Variants in DNM3 observed in about 807,000 individuals in gnomAD.
The protein encoded by DNM3 is dynamin-3.
A neutral mutation model predicts 101.6 loss-of-function variants in DNM3; 47 were observed. The ratio of observed to expected loss-of-function variants is 0.46; its 90% CI spans 0.37 to 0.59. The LOEUF is 0.59. Among genes scored for constraint, DNM3 ranks in the 20% least tolerant of loss-of-function variants. The pLI is 0.00. For missense variants in DNM3, 849 were observed against 1,085.7 expected (o/e 0.78, Z 3.06); for synonymous variants, 385 against 387.9 (o/e 0.99, Z 0.09).
At chr1:172,280,047 G>A (rs913035153) in intron 15 of DNM3, among the ~76,000 whole-genome samples, 3 of 151,976 alleles carry the variant, frequency 2.0e-5, no homozygotes, top group Non-Finnish European at 2.9e-5. Context: ...CTGAGTCTCC[G>A]CATTGTTCAC....
At chr1:171,871,183 C>T (rs1417196608) in intron 1 of DNM3, among the ~76,000 whole-genome samples, 1 of 152,102 alleles carries the variant, frequency 6.6e-6, no homozygotes, top group African/African-American at 2.4e-5. Flanking sequence ...ACATGATGTG[C>T]AATTATGTAT....
intron 2 of DNM3, among the ~76,000 whole-genome samples, chr1:171,975,862 T>C (rs1427806452): frequency 6.6e-6 from 1 of 152,220 alleles, no homozygotes; most frequent in Non-Finnish European, 1.5e-5. Context: ...CCTGTAATCC[T>C]AGCCAGCAGA....
At chr1:171,911,001 T>C (rs192776805) in intron 1 of DNM3, among the ~76,000 whole-genome samples, 1 of 152,180 alleles carries the variant, frequency 6.6e-6, no homozygotes, top group Non-Finnish European at 1.5e-5. Context: ...GAGTCAACAC[T>C]GAAGTGTGAA....
chr1:171,934,564 T>C (rs925112453), intron 2 of DNM3, among the ~76,000 whole-genome samples: 1 of 152,222 alleles, frequency 6.6e-6, no homozygotes, highest in Admixed American at 6.5e-5. Flanking sequence ...AGTCTCTCTT[T>C]CCAATTAAGG....
At position 172,411,876 on chromosome 1, in the gene DNM3, A is replaced by T; in HGVS notation, c.*4035A>T. ...GAATCTAGATGATTTTGAAGAAATGATTATTCGTTCACCAGATCACTCATT... is the reference window on the plus strand; with the variant it reads ...GAATCTAGATGATTTTGAAGAAATGTTTATTCGTTCACCAGATCACTCATT... On this transcript the variant is annotated 3_prime_UTR_variant, in exon 21 of 21. Coordinates refer to ENST00000627582, the MANE Select transcript of DNM3 (RefSeq NM_015569.5). The T allele has an allele frequency of 1.0e-6, 1 of 985,808 alleles. No individual in the cohort carries two copies. Among genetic ancestry groups the T allele is most frequent in the Non-Finnish European group, 1.2e-6 (1 of 829,874 alleles). 61.1% of individuals were successfully genotyped at this position (985,808 alleles called of 1,614,324 possible). A position where few individuals can be genotyped will look rare whatever the true frequency, so the allele number is the denominator to read the frequency against.
At chr1:172,102,045 G>C (rs1483659387) in intron 13 of DNM3, among the ~76,000 whole-genome samples, 1 of 151,788 alleles carries the variant, frequency 6.6e-6, no homozygotes, top group Admixed American at 6.6e-5. Flanking sequence ...TTTTAGTAGA[G>C]ACGGGGTTTC....
At chr1:171,944,724 A>G (rs575915514) in intron 2 of DNM3, among the ~76,000 whole-genome samples, 43 of 151,946 alleles carry the variant, frequency 2.8e-4, no homozygotes, top group African/African-American at 9.4e-4. Context: ...TTCAGATGAT[A>G]TAGTACTCTA....
intron 19 of DNM3, among the ~76,000 whole-genome samples, chr1:172,387,562 G>A (rs1266494605): frequency 6.6e-6 from 1 of 152,022 alleles, no homozygotes; most frequent in East Asian, 1.9e-4. Context: ...GGGAGGCTGA[G>A]GCAGGAGAAT....
chr1:171,989,242 T>A, intron 4 of DNM3, 94 bp downstream of exon 4: 1 of 1,104,118 alleles, frequency 9.1e-7, no homozygotes, highest in Non-Finnish European at 1.2e-6. Flanking sequence ...TTGGTTTCAT[T>A]ATAAATAAAT....
At chr1:172,136,061 C>T (rs897153339) in intron 14 of DNM3, among the ~76,000 whole-genome samples, 13 of 151,994 alleles carry the variant, frequency 8.6e-5, no homozygotes, top group Admixed American at 2.6e-4. Flanking sequence ...TAGGCGTTTC[C>T]AGTGGAAATC....
intron 4 of DNM3, among the ~76,000 whole-genome samples, chr1:172,016,324 T>G (rs1400034507): frequency 1.3e-5 from 2 of 152,234 alleles, no homozygotes; most frequent in African/African-American, 4.8e-5. Context: ...TGGTATTGAA[T>G]TTTGTCAATT....
chr1:172,063,751 C>A (rs2051430804), intron 10 of DNM3, among the ~76,000 whole-genome samples: 1 of 143,908 alleles, frequency 6.9e-6, no homozygotes, highest in South Asian at 2.2e-4. Context: ...GCACTCCAGC[C>A]TGGGCAACAG....
intron 17 of DNM3, among the ~76,000 whole-genome samples, chr1:172,354,966 G>A (rs1489020847): frequency 2.0e-5 from 3 of 152,168 alleles, no homozygotes; most frequent in Admixed American, 1.3e-4. Context: ...GAGAAAATGA[G>A]GAAAGTTATT....
intron 14 of DNM3, among the ~76,000 whole-genome samples, chr1:172,228,186 G>C (rs1323284547): frequency 6.6e-6 from 1 of 151,516 alleles, no homozygotes; most frequent in Non-Finnish European, 1.5e-5. Context: ...ATAGTTTCAG[G>C]TTTTATGCCA....
intron 2 of DNM3, among the ~76,000 whole-genome samples, chr1:171,950,463 T>C (rs1202463763): frequency 2.0e-5 from 3 of 152,200 alleles, no homozygotes; most frequent in Non-Finnish European, 4.4e-5. Flanking sequence ...TGTGCACTAA[T>C]GAAAGTGTTC....
rs188041267 is a variant in DNM3, at chr1:172,197,923, T to C, written c.1660-55650T>C. 1.8e-3 allele frequency among the ~76,000 whole-genome samples: 275 copies of C among 152,290 alleles called. 4 individuals carry two copies. Among genetic ancestry groups the C allele is most frequent in the South Asian group, 0.018 (87 of 4,830 alleles). ...TTTTCTTTCTCCTGCCTGATTGCTC[T>C]GGCTAGGACTTCCAATACTATGTTG... On this transcript the variant is annotated intron_variant, in intron 14 of 20. Transcript: ENST00000627582.
chr1:171,915,008 C>G (rs920767759), intron 1 of DNM3, among the ~76,000 whole-genome samples: 1 of 152,022 alleles, frequency 6.6e-6, no homozygotes, highest in Non-Finnish European at 1.5e-5. Context: ...TGCCTAGACA[C>G]GAAGTCTAAG....
intron 2 of DNM3, among the ~76,000 whole-genome samples, chr1:171,939,097 T>C (rs1204843456): frequency 6.6e-6 from 1 of 152,150 alleles, no homozygotes. Flanking sequence ...GCTTAAGCAT[T>C]GATTACACAT....
chr1:172,177,083 G>C (rs2059177883), intron 14 of DNM3, among the ~76,000 whole-genome samples: 1 of 151,794 alleles, frequency 6.6e-6, no homozygotes, highest in Non-Finnish European at 1.5e-5. Flanking sequence ...GCGATGGTGT[G>C]TTTTGAGTTT....
Sources: gnomAD v4.1 joint callset for allele counts (sites outside exome capture counted in the v4.1 genomes callset) on GRCh38, gnomAD v4.1.1 for gene constraint, MANE v1.5 for transcripts, NCBI Gene and HGNC (gene_info 2026-07-23, HGNC 2026-07-21) for gene names.